Variants in AKAP13 observed in about 807,000 individuals in gnomAD.
The protein encoded by AKAP13 is A-kinase anchor protein 13.
A neutral mutation model predicts 264.5 loss-of-function variants in AKAP13; 80 were observed. The observed-to-expected ratio is 0.30, with a 90% CI of 0.25 to 0.36. The LOEUF (loss-of-function observed/expected upper bound fraction) is 0.36. Among genes scored for constraint, AKAP13 ranks in the 10% least tolerant of loss-of-function variants. The probability of loss-of-function intolerance (pLI) is 1.00; values close to 1 mark genes in which losing one functional copy is unlikely to be tolerated. For synonymous variants in AKAP13, 1,380 were observed against 1,250.2 expected (o/e 1.10, Z -2.19); for missense variants, 3,712 against 3,435.2 (o/e 1.08, Z -2.01).
At position 85,580,432 on chromosome 15, in the gene AKAP13, A is replaced by G. The variant is rs2079126625; in HGVS notation, c.2364A>G (p.Ala788=). The G allele has an allele frequency of 6.2e-7, 1 of 1,614,234 alleles. No homozygotes were observed. The highest frequency in any genetic ancestry group is 8.5e-7 in the Non-Finnish European group (1 of 1,180,040). Residue 788 remains alanine, a synonymous_variant, in exon 7 of 37, where the codon GCA becomes GCG. Transcript: ENST00000394518. The part of the protein sequence containing the change: ...AVISDSTFSL[A]NSPGSESVTK... ...TATCAGACAGTACTTTCTCTCTGGC[A>G]AACAGTCCAGGCAGTGAATCAGTAA...
chr15:85,566,726 A>G (rs2078619301), intron 5 of AKAP13, among the ~76,000 whole-genome samples: 1 of 150,864 alleles, frequency 6.6e-6, no homozygotes, highest in South Asian at 2.1e-4. Context: ...TCTTGGGTTC[A>G]AGCGATTCTT....
chr15:85,386,787 A>G (rs546917379), intron 1 of AKAP13, among the ~76,000 whole-genome samples: 6 of 151,288 alleles, frequency 4.0e-5, no homozygotes, highest in African/African-American at 1.2e-4. Flanking sequence ...CAAGTTGATC[A>G]TAAATGTGTG....
intron 4 of AKAP13, among the ~76,000 whole-genome samples, chr15:85,540,410 G>A (rs1265742661): frequency 6.6e-6 from 1 of 152,188 alleles, no homozygotes; most frequent in African/African-American, 2.4e-5. Context: ...CTGCGGCAAA[G>A]CTATTATTAT....
intron 1 of AKAP13, among the ~76,000 whole-genome samples, chr15:85,484,238 C>T (rs1185220937): frequency 6.6e-6 from 1 of 152,156 alleles, no homozygotes; most frequent in African/African-American, 2.4e-5. Context: ...CATTTTCATC[C>T]ATGCTTGCTG....
intron 8 of AKAP13, among the ~76,000 whole-genome samples, chr15:85,601,803 A>G: frequency 6.6e-6 from 1 of 152,138 alleles, no homozygotes; most frequent in South Asian, 2.1e-4. Flanking sequence ...AGAAGTTAAA[A>G]CTGAGAAATT....
chr15:85,402,039 C>G (rs2071445295), intron 1 of AKAP13, among the ~76,000 whole-genome samples: 1 of 152,188 alleles, frequency 6.6e-6, no homozygotes, highest in Non-Finnish European at 1.5e-5. Context: ...TGCCAACAAC[C>G]TTGGGCAAGT....
At chr15:85,504,854 G>A (rs550788802) in intron 2 of AKAP13, among the ~76,000 whole-genome samples, 27 of 151,748 alleles carry the variant, frequency 1.8e-4, no homozygotes, top group African/African-American at 2.4e-4. Flanking sequence ...AGACACTCTC[G>A]CTTGCTCTTT....
chr15:85,582,794 C>T, intron 7 of AKAP13: 1 of 844,080 alleles, frequency 1.2e-6, no homozygotes, highest in Non-Finnish European at 1.4e-6. Context: ...AGACCCTGCA[C>T]AGTGCAGGGG....
chr15:85,545,029 C>A (rs934607675), intron 5 of AKAP13, among the ~76,000 whole-genome samples: 1 of 152,224 alleles, frequency 6.6e-6, no homozygotes, highest in African/African-American at 2.4e-5. Flanking sequence ...ATACCTTTCC[C>A]CATCACGCTA....
intron 2 of AKAP13, among the ~76,000 whole-genome samples, chr15:85,492,485 C>T (rs997545455): frequency 6.6e-6 from 1 of 152,228 alleles, no homozygotes; most frequent in African/African-American, 2.4e-5. Flanking sequence ...TGCTTATTCT[C>T]TGTATTACAT....
chr15:85,454,600 C>G (rs2074218442), intron 1 of AKAP13, among the ~76,000 whole-genome samples: 1 of 152,060 alleles, frequency 6.6e-6, no homozygotes, highest in Non-Finnish European at 1.5e-5. Flanking sequence ...CACACACTAG[C>G]TGCCTCTAGT....
chr15:85,385,381 A>G (rs983488918), intron 1 of AKAP13, among the ~76,000 whole-genome samples: 10 of 152,128 alleles, frequency 6.6e-5, no homozygotes, highest in Non-Finnish European at 1.2e-4. Flanking sequence ...TCATTCTTTA[A>G]TTATTCATAT....
intron 2 of AKAP13, among the ~76,000 whole-genome samples, chr15:85,510,882 G>T (rs1006139270): frequency 6.6e-6 from 1 of 152,200 alleles, no homozygotes; most frequent in African/African-American, 2.4e-5. Context: ...TTTGGCTGCA[G>T]AGTGCTCACT....
chr15:85,560,645 A>G (rs1312629481), intron 5 of AKAP13, among the ~76,000 whole-genome samples: 1 of 144,862 alleles, frequency 6.9e-6, no homozygotes, highest in African/African-American at 2.6e-5. Context: ...CTTTATAAAT[A>G]TTTTTGAGGC....
chr15:85,511,083 T>C (rs2076400774), intron 2 of AKAP13, among the ~76,000 whole-genome samples: 1 of 152,250 alleles, frequency 6.6e-6, no homozygotes, highest in South Asian at 2.1e-4. Context: ...GTTGCTTTTC[T>C]TCAGACGTCT....
intron 2 of AKAP13, among the ~76,000 whole-genome samples, chr15:85,496,690 A>T (rs1398790367): frequency 1.3e-5 from 2 of 152,132 alleles, no homozygotes. Flanking sequence ...GGCTGTTAGG[A>T]TACATTTTGC....
chr15:85,524,858 CCT>C (rs1052589525), intron 3 of AKAP13, among the ~76,000 whole-genome samples: 2 of 143,024 alleles, frequency 1.4e-5, no homozygotes, highest in South Asian at 2.4e-4. Flanking sequence ...CCTCCTGCCC[CCT>C]CTTTCCCCAT....
At chr15:85,394,815 C>T (rs1441800335) in intron 1 of AKAP13, among the ~76,000 whole-genome samples, 4 of 152,096 alleles carry the variant, frequency 2.6e-5, no homozygotes, top group Non-Finnish European at 5.9e-5. Flanking sequence ...TTCACTGAGT[C>T]CTAGAAGGAT....
chr15:85,461,420 A>T (rs2074508646), intron 1 of AKAP13, among the ~76,000 whole-genome samples: 2 of 152,064 alleles, frequency 1.3e-5, no homozygotes, highest in Admixed American at 1.3e-4. Context: ...CCGGCCCGTT[A>T]TAATTTCATC....
Sources: allele counts gnomAD v4.1 joint callset (sites outside exome capture counted in the v4.1 genomes callset), GRCh38; gene constraint gnomAD v4.1.1; transcripts MANE v1.5; gene names NCBI Gene and HGNC (gene_info 2026-07-23, HGNC 2026-07-21).